SLC39A14: variants seen among roughly 807,000 people sequenced by gnomAD.
SLC39A14 encodes solute carrier family 39 member 14.
Under a neutral mutation model 45.5 loss-of-function variants are expected in SLC39A14, and 19 were observed. That is an observed-to-expected ratio of 0.42 (90% CI 0.29 to 0.61). The LOEUF is 0.61. Ranked by LOEUF, SLC39A14 falls within the 20% of genes least tolerant of loss-of-function variation. SLC39A14 has a pLI of 0.22. For missense variants in SLC39A14, 447 were observed against 616.5 expected, an observed-to-expected ratio of 0.73 and a Z score of 2.91; for synonymous variants, 264 against 251.3, an observed-to-expected ratio of 1.05 and a Z score of -0.48.
chr8:22,431,385 A>G (rs1279366483), intron 8 of SLC39A14, among the ~76,000 whole-genome samples: 1 of 152,232 alleles, frequency 6.6e-6, no homozygotes, highest in Non-Finnish European at 1.5e-5. Flanking sequence ...TATGGTTTTT[A>G]AAATATTCTA....
At chr8:22,423,786 T>TTTTCTCTCTCTCTCTCTCTCTCTCTC (rs112796213), downstream of SLC39A14, among the ~76,000 whole-genome samples, 1 of 122,260 alleles carries the variant, frequency 8.2e-6, no homozygotes, top group East Asian at 2.8e-4. Context: ...TTTAATTGGT[T>TTTTCTCTCTCTCTCTCTCTCTCTCTC]TCTCTCTCTC....
chr8:22,375,715 C>T (rs1204219386), intron 1 of SLC39A14, among the ~76,000 whole-genome samples: 4 of 152,108 alleles, frequency 2.6e-5, no homozygotes, highest in Non-Finnish European at 4.4e-5. Context: ...ATCTCAAACT[C>T]GACCTCAGGT....
chr8:22,403,685 G>A (rs377195031), intron 1 of SLC39A14, among the ~76,000 whole-genome samples: 86 of 151,902 alleles, frequency 5.7e-4, no homozygotes, highest in African/African-American at 1.9e-3. Flanking sequence ...TTGGGAGGCC[G>A]AGGTGGGTGG....
chr8:22,369,944 G>T (rs1832840750), intron 1 of SLC39A14, among the ~76,000 whole-genome samples: 1 of 152,174 alleles, frequency 6.6e-6, no homozygotes, highest in African/African-American at 2.4e-5. Context: ...CAATTTCCCT[G>T]CCCTTCTGGG....
intron 3 of SLC39A14, chr8:22,409,987 G>T (rs1282469386): frequency 2.5e-6 from 4 of 1,613,946 alleles, no homozygotes; most frequent in Non-Finnish European, 3.4e-6. Context: ...GATTAACCTG[G>T]CCTCTCTCCT....
chr8:22,401,484 A>G (rs548692799), intron 1 of SLC39A14, among the ~76,000 whole-genome samples: 165 of 150,150 alleles, frequency 1.1e-3, no homozygotes, highest in Non-Finnish European at 2.1e-3. Context: ...CATCAATCTT[A>G]CTTTAAGCTT....
chr8:22,393,292 A>G, intron 1 of SLC39A14: 1 of 955,068 alleles, frequency 1.0e-6, no homozygotes, highest in Non-Finnish European at 1.2e-6. Flanking sequence ...TGGGCCGATT[A>G]AGCCCCGGGG....
At position 22,404,682 on chromosome 8, in the gene SLC39A14, T is replaced by G. The variant is rs1161337572; in HGVS notation, c.-15-14T>G. 6.2e-7 allele frequency: 1 copy of G among 1,600,768 alleles called. No individual in the cohort carries two copies. The highest frequency in any genetic ancestry group is 8.5e-7 in the Non-Finnish European group (1 of 1,172,740). On this transcript the variant is annotated splice_polypyrimidine_tract_variant and intron_variant, in intron 1 of 8. Transcript: ENST00000381237. Reference sequence around the variant, plus strand: ...GGGAGAGGCCTCAGCTTCACCTGCCTTTTTCTCTCACAGGTTTATTCAGTC... The same window carrying G: ...GGGAGAGGCCTCAGCTTCACCTGCCGTTTTCTCTCACAGGTTTATTCAGTC...
At chr8:22,426,625 C>A (rs1836391682), downstream of SLC39A14, among the ~76,000 whole-genome samples, 1 of 151,994 alleles carries the variant, frequency 6.6e-6, no homozygotes, top group Admixed American at 6.5e-5. Flanking sequence ...CATCAGGAAT[C>A]TCCCAGAGGA....
chr8:22,371,807 C>T (rs1343741202), intron 1 of SLC39A14, among the ~76,000 whole-genome samples: 1 of 150,214 alleles, frequency 6.7e-6, no homozygotes, highest in African/African-American at 2.5e-5. Context: ...TGCAGTGGCA[C>T]GATCTCGGCT....
At chr8:22,425,220 C>T (rs1836364274), downstream of SLC39A14, among the ~76,000 whole-genome samples, 3 of 152,048 alleles carry the variant, frequency 2.0e-5, 1 homozygote, top group South Asian at 2.1e-4. Context: ...TTGTGGCCCA[C>T]GTGGAACAGA....
chr8:22,376,752 C>T (rs1452842510), intron 1 of SLC39A14, among the ~76,000 whole-genome samples: 1 of 152,032 alleles, frequency 6.6e-6, no homozygotes, highest in Non-Finnish European at 1.5e-5. Flanking sequence ...GTGACATGCA[C>T]CTGTAATTGC....
intron 1 of SLC39A14, among the ~76,000 whole-genome samples, chr8:22,393,515 G>C (rs1193161634): frequency 1.3e-5 from 2 of 152,170 alleles, no homozygotes; most frequent in African/African-American, 4.8e-5. Flanking sequence ...TGACCAAGCT[G>C]GCAGATGTTT....
In SLC39A14 at chr8:22,396,600, A is replaced by AGGAC. The variant is rs67038656; in HGVS notation, c.-15-8095_-15-8094insGACG. The stretch of plus-strand genomic sequence containing the variant: ...AGAGAGAGAGAGAGAGAGAGAGAGA[A>AGGAC]GACTAAGTGGAATTTGGAATTGGAT... On this transcript the variant is annotated intron_variant, in intron 1 of 8. Transcript: ENST00000381237. 8.1e-3 allele frequency among the ~76,000 whole-genome samples: 203 copies of AGGAC among 25,190 alleles called. 63 individuals are homozygous for AGGAC. The highest frequency in any genetic ancestry group is 0.038 in the East Asian group (5 of 130). 16.5% of individuals were successfully genotyped at this position (25,190 alleles called of 152,430 possible).
At chr8:22,394,506 A>G (rs923912289) in intron 1 of SLC39A14, among the ~76,000 whole-genome samples, 10 of 151,412 alleles carry the variant, frequency 6.6e-5, no homozygotes, top group Admixed American at 6.6e-4. Context: ...TTTTTAGTAG[A>G]GACGGGGTTT....
In SLC39A14 at chr8:22,419,772, C is replaced by T. The variant is rs1330912034; in HGVS notation, c.*74C>T. The T allele has an allele frequency of 6.7e-7, 1 of 1,495,088 alleles. No individual in the cohort carries two copies. The highest frequency in any genetic ancestry group is 8.9e-7 in the Non-Finnish European group (1 of 1,124,542). The allele number at this position is 1,495,088 out of a possible 1,614,324, so 92.6% of individuals were successfully genotyped here. On this transcript the variant is annotated 3_prime_UTR_variant, in exon 9 of 9. Transcript: ENST00000381237. ...GATCGCCAGCCCGAGGACTTACCATCCACAATGCACCACGGAAGAGGCCGT... is the reference window on the plus strand; with the variant it reads ...GATCGCCAGCCCGAGGACTTACCATTCACAATGCACCACGGAAGAGGCCGT...
chr8:22,396,804 G>C (rs963244999), intron 1 of SLC39A14, among the ~76,000 whole-genome samples: 1 of 151,944 alleles, frequency 6.6e-6, no homozygotes, highest in African/African-American at 2.4e-5. Flanking sequence ...ATGTGAGTGA[G>C]AATTCTGGTT....
In SLC39A14 at chr8:22,416,188, G is replaced by T. The variant is rs1490566102; in HGVS notation, c.1055G>T (p.Gly352Val). Residue 352 changes from glycine to valine, a missense_variant, in exon 7 of 9, where the codon GGC becomes GTC. Coordinates refer to ENST00000381237, the MANE Select transcript of SLC39A14 (RefSeq NM_001128431.4). ...GACGGCCTCCATAATTTCATCGATG[G>T]CCTGGCCATCGGTGCTTCCTTCACT... ...LSDGLHNFIDGLAIGASFTVS... is the reference protein window; with the variant it reads ...LSDGLHNFIDVLAIGASFTVS... The T allele has an allele frequency of 1.2e-6, 2 of 1,613,902 alleles. No homozygotes were observed.
chr8:22,399,803 G>T (rs890991300), intron 1 of SLC39A14, among the ~76,000 whole-genome samples: 2 of 152,266 alleles, frequency 1.3e-5, no homozygotes, highest in African/African-American at 2.4e-5. Context: ...CTCTAGGTGA[G>T]TGCCAGCCAG....
Sources: gnomAD v4.1 joint callset for allele counts (sites outside exome capture counted in the v4.1 genomes callset) on GRCh38, gnomAD v4.1.1 for gene constraint, MANE v1.5 for transcripts, NCBI Gene and HGNC (gene_info 2026-07-23, HGNC 2026-07-21) for gene names.